The following ERO1B variants were observed in gnomAD, a reference collection of about 807,000 sequenced individuals.
The protein encoded by ERO1B is endoplasmic reticulum oxidoreductase 1 beta.
ERO1B carries 49 observed loss-of-function variants against 75.3 expected under a neutral mutation model. That is an observed-to-expected ratio of 0.65 (90% CI 0.52 to 0.83). The LOEUF (loss-of-function observed/expected upper bound fraction) is 0.83, where lower values mean the gene tolerates loss of function less well. ERO1B is among the 40% of genes least tolerant of loss of function. The probability of loss-of-function intolerance (pLI) is 0.00; values close to 1 mark genes in which losing one functional copy is unlikely to be tolerated. For missense variants in ERO1B, 512 were observed against 560.1 expected (o/e 0.91, Z 0.87); for synonymous variants, 191 against 192.9 (o/e 0.99, Z 0.08).
Position 236,263,778 on chromosome 1 carries a change from CTTTTTTTTTTTT to C in ERO1B, c.222+6085_222+6096del. ...TATATTTTTTGTTTTATTTTGTTTGCTTTTTTTTTTTTTTTTTTTTTTTTTTTTGAGTCAGTA... is the reference window on the plus strand; with the variant it reads ...TATATTTTTTGTTTTATTTTGTTTGCTTTTTTTTTTTTTTTTGAGTCAGTA... On this transcript the variant is annotated intron_variant, in intron 2 of 15. Transcript: ENST00000354619. Among the ~76,000 whole-genome samples the C allele has an allele frequency of 8.0e-3, 639 of 80,296 alleles. 4 individuals are homozygous for C. Among genetic ancestry groups the C allele is most frequent in the African/African-American group, 0.032 (615 of 19,128 alleles). The allele number at this position is 80,296 out of a possible 152,430, so 52.7% of individuals were successfully genotyped here. A position where few individuals can be genotyped will look rare whatever the true frequency, so the allele number is the denominator to read the frequency against.
intron 4 of ERO1B, 22 bp downstream of exon 4, chr1:236,252,028 T>C (rs371986515): frequency 6.5e-7 from 1 of 1,537,876 alleles, no homozygotes; most frequent in Admixed American, 1.8e-5. Context: ...GCAGAAACAC[T>C]CAAGGAAGAG....
intron 1 of ERO1B, among the ~76,000 whole-genome samples, chr1:236,276,955 C>T (rs1749554): frequency 0.33 from 50,769 of 152,006 alleles, 9,123 homozygotes; most frequent in Non-Finnish European, 0.41. Flanking sequence ...TGATAGTGAG[C>T]TCTCATGAGA....
chr1:236,259,244 G>C (rs1055076004), intron 2 of ERO1B, among the ~76,000 whole-genome samples: 3 of 152,024 alleles, frequency 2.0e-5, no homozygotes, highest in Admixed American at 6.6e-5. Flanking sequence ...AGTAGTTGCA[G>C]AAAAGATAAA....
chr1:236,235,478 AGCAACCAGATTTTT>A (rs1664517171), intron 8 of ERO1B, among the ~76,000 whole-genome samples: 3 of 152,216 alleles, frequency 2.0e-5, no homozygotes, highest in African/African-American at 7.2e-5. Flanking sequence ...GTAGGGCCTG[AGCAACCAGATTTTT>A]TAATAAGTCC....
At position 236,216,937 on chromosome 1, in the gene ERO1B, T is replaced by C. The variant is rs1664001514; in HGVS notation, c.*1579A>G. ...CAATCAAGTCAGCCTTTTAAACAAC[T>C]TAACAAAAAATACTACCACCATCAA... On this transcript the variant is annotated 3_prime_UTR_variant, in exon 16 of 16. Coordinates refer to ENST00000354619, the MANE Select transcript of ERO1B (RefSeq NM_019891.4). 6.6e-6 allele frequency: 1 copy of C among 151,302 alleles called. No individual in the cohort carries two copies. The highest frequency in any genetic ancestry group is 1.5e-5 in the Non-Finnish European group (1 of 67,840). 9.4% of individuals were successfully genotyped at this position (151,302 alleles called of 1,614,324 possible).
At chr1:236,263,778 CTTTTTTTTTTTTTTT>C in intron 2 of ERO1B, among the ~76,000 whole-genome samples, 31,062 of 80,486 alleles carry the variant, frequency 0.39, 3,977 homozygotes, top group East Asian at 0.49. Flanking sequence ...ATTTTGTTTG[CTTTTTTTTTTTTTTT>C]TTTTTTTTTT....
In ERO1B at chr1:236,217,454, G is replaced by A. The variant is rs1419289344; in HGVS notation, c.*1062C>T. On this transcript the variant is annotated 3_prime_UTR_variant, in exon 16 of 16. Transcript: ENST00000354619. ...AAGGTGAGGGGAGAGTAAGCTTAAAGGAGGGTTGACCTAATCTACCTTTTT... is the reference window on the plus strand; with the variant it reads ...AAGGTGAGGGGAGAGTAAGCTTAAAAGAGGGTTGACCTAATCTACCTTTTT... 6.6e-6 allele frequency: 1 copy of A among 152,486 alleles called. No individual in the cohort carries two copies. The highest frequency in any genetic ancestry group is 1.5e-5 in the Non-Finnish European group (1 of 67,966). 9.4% of individuals were successfully genotyped at this position (152,486 alleles called of 1,614,324 possible).
intron 5 of ERO1B, among the ~76,000 whole-genome samples, chr1:236,247,969 T>C (rs1228957188): frequency 2.0e-5 from 3 of 152,198 alleles, no homozygotes; most frequent in African/African-American, 7.2e-5. Flanking sequence ...ACTCTCTCAC[T>C]CCTAGCCCTC....
At chr1:236,276,653 C>G (rs1443421799) in intron 1 of ERO1B, among the ~76,000 whole-genome samples, 7 of 151,838 alleles carry the variant, frequency 4.6e-5, no homozygotes, top group Non-Finnish European at 1.0e-4. Flanking sequence ...GCGGTAGGAG[C>G]AAAAGTCTGA....
At chr1:236,277,047 G>A (rs560237565) in intron 1 of ERO1B, among the ~76,000 whole-genome samples, 1 of 152,244 alleles carries the variant, frequency 6.6e-6, no homozygotes, top group Non-Finnish European at 1.5e-5. Flanking sequence ...GTACAGCTGT[G>A]AGTCAATTAA....
At chr1:236,253,680 T>G (rs1211186446) in intron 2 of ERO1B, among the ~76,000 whole-genome samples, 175 bp from the exon 3 acceptor site, 1 of 152,190 alleles carries the variant, frequency 6.6e-6, no homozygotes, top group Non-Finnish European at 1.5e-5. Flanking sequence ...ATCATGCCAT[T>G]GCACTCCAGA....
intron 6 of ERO1B, among the ~76,000 whole-genome samples, chr1:236,238,410 T>C (rs146539444): frequency 5.3e-5 from 8 of 152,140 alleles, no homozygotes; most frequent in African/African-American, 1.9e-4. Context: ...TGGTGGCACA[T>C]GCCTCTAGTC....
intron 8 of ERO1B, among the ~76,000 whole-genome samples, chr1:236,235,300 G>A (rs1664512778): frequency 6.6e-6 from 1 of 152,220 alleles, no homozygotes; most frequent in African/African-American, 2.4e-5. Context: ...ATCAGAAGCT[G>A]TATGTTACCA....
At chr1:236,275,196 C>T (rs999885807) in intron 1 of ERO1B, among the ~76,000 whole-genome samples, 3 of 152,232 alleles carry the variant, frequency 2.0e-5, no homozygotes, top group Admixed American at 1.3e-4. Flanking sequence ...TCAATTCTGA[C>T]ACTATCCACC....
At chr1:236,231,500 GAA>G (rs57411768) in intron 9 of ERO1B, among the ~76,000 whole-genome samples, 1 of 95,898 alleles carries the variant, frequency 1.0e-5, no homozygotes, top group Non-Finnish European at 2.3e-5. Flanking sequence ...TTAAACACTT[GAA>G]AAAAAAAAAA....
intron 4 of ERO1B, among the ~76,000 whole-genome samples, chr1:236,250,449 A>G (rs557627646): frequency 4.0e-5 from 6 of 151,842 alleles, no homozygotes; most frequent in Admixed American, 6.6e-5. Flanking sequence ...TCCAGCCTGC[A>G]TGACAGAGCA....
Position 236,258,149 on chromosome 1 carries a change from C to CAGAAAAAAAAA in ERO1B, c.223-4645_223-4644insTTTTTTTTTCT, listed in dbSNP as rs71559929. Among the ~76,000 whole-genome samples the CAGAAAAAAAAA allele has an allele frequency of 1.8e-4, 17 of 96,564 alleles. 5 individuals are homozygous for CAGAAAAAAAAA. The highest frequency in any genetic ancestry group is 9.3e-5 in the Non-Finnish European group (5 of 53,786). 63.3% of individuals were successfully genotyped at this position (96,564 alleles called of 152,430 possible). On this transcript the variant is annotated intron_variant, in intron 2 of 15. Coordinates refer to ENST00000354619, the MANE Select transcript of ERO1B (RefSeq NM_019891.4). ...AGAAAGAAAAAAAAGAAAAACAAAG[C>CAGAAAAAAAAA]AAAAAAAAAAAAAACCCAGCCAGAT...
chr1:236,280,621 T>C (rs1025742025), intron 1 of ERO1B, among the ~76,000 whole-genome samples: 8 of 152,204 alleles, frequency 5.3e-5, no homozygotes, highest in African/African-American at 1.7e-4. Context: ...AAACGGACTA[T>C]TCAGGCACTC....
intron 1 of ERO1B, among the ~76,000 whole-genome samples, chr1:236,271,766 C>A (rs1466281666): frequency 3.3e-5 from 5 of 152,068 alleles, no homozygotes; most frequent in African/African-American, 1.2e-4. Context: ...AGAAATAAAT[C>A]TTGTTTTTGT....
Sources: allele counts gnomAD v4.1 joint callset (sites outside exome capture counted in the v4.1 genomes callset), GRCh38; gene constraint gnomAD v4.1.1; transcripts MANE v1.5; gene names NCBI Gene and HGNC (gene_info 2026-07-23, HGNC 2026-07-21).